Variants in FANCC observed in about 807,000 individuals in gnomAD.
FANCC encodes the protein Fanconi anemia group C protein.
In FANCC, 55 loss-of-function variants were observed where a neutral mutation model predicts 71.3. The observed-to-expected ratio is 0.77, with a 90% CI of 0.62 to 0.97. The LOEUF is 0.97. Among genes scored for constraint, FANCC ranks in the 50% least tolerant of loss-of-function variants. The probability of loss-of-function intolerance (pLI) is 0.00; values close to 1 mark genes in which losing one functional copy is unlikely to be tolerated. For synonymous variants in FANCC, 275 were observed against 244.9 expected (o/e 1.12, Z -1.15); for missense variants, 678 against 670.9 (o/e 1.01, Z -0.12).
intron 1 of FANCC, among the ~76,000 whole-genome samples, chr9:95,309,411 G>A (rs1479929593): frequency 6.6e-6 from 1 of 152,186 alleles, no homozygotes; most frequent in Non-Finnish European, 1.5e-5. Context: ...GATATTATTT[G>A]TATAAATGTA....
chr9:95,110,897 G>C, intron 13 of FANCC: 1 of 1,277,054 alleles, frequency 7.8e-7, no homozygotes, highest in Non-Finnish European at 9.9e-7. Context: ...CCCATACTTA[G>C]CTGCTCTGTT....
At chr9:95,268,588 AG>A (rs1207583176) in intron 1 of FANCC, among the ~76,000 whole-genome samples, 2 of 152,268 alleles carry the variant, frequency 1.3e-5, no homozygotes, top group Non-Finnish European at 2.9e-5. Context: ...TTATGTGGAA[AG>A]GAACTTTGAT....
chr9:95,107,820 T>A (rs2071577548), intron 13 of FANCC, among the ~76,000 whole-genome samples: 1 of 152,178 alleles, frequency 6.6e-6, no homozygotes, highest in Admixed American at 6.5e-5. Context: ...TTGTTTTAGA[T>A]GCCGGAACAA....
intron 1 of FANCC, among the ~76,000 whole-genome samples, chr9:95,290,509 A>G (rs1179986077): frequency 6.6e-6 from 1 of 152,224 alleles, no homozygotes; most frequent in Non-Finnish European, 1.5e-5. Flanking sequence ...AGGGAACACC[A>G]TTAAGAAAGT....
At chr9:95,226,556 G>A (rs933526576) in intron 4 of FANCC, among the ~76,000 whole-genome samples, 1 of 152,182 alleles carries the variant, frequency 6.6e-6, no homozygotes, top group African/African-American at 2.4e-5. Context: ...GCTGTCTCCT[G>A]CTCCTCCCTT....
chr9:95,153,295 G>C (rs1179834877), intron 6 of FANCC, among the ~76,000 whole-genome samples: 2 of 152,034 alleles, frequency 1.3e-5, no homozygotes, highest in African/African-American at 4.8e-5. Context: ...TGTTAACTGT[G>C]ATGCTATAAA....
chr9:95,307,756 A>G (rs1363532833), intron 1 of FANCC, among the ~76,000 whole-genome samples: 1 of 152,252 alleles, frequency 6.6e-6, no homozygotes, highest in African/African-American at 2.4e-5. Flanking sequence ...ACTGCAAAGA[A>G]GACAGCCAGG....
intron 1 of FANCC, among the ~76,000 whole-genome samples, chr9:95,277,487 C>T (rs1588404573): frequency 6.6e-6 from 1 of 152,206 alleles, no homozygotes; most frequent in South Asian, 2.1e-4. Context: ...TAAATATGCA[C>T]ATTACGTGCC....
chr9:95,259,513 C>T (rs191036860), intron 1 of FANCC, among the ~76,000 whole-genome samples: 1 of 152,308 alleles, frequency 6.6e-6, no homozygotes, highest in East Asian at 1.9e-4. Context: ...ATTAGGACCC[C>T]TTCCTTACAC....
At chr9:95,282,701 T>C (rs1263308679) in intron 1 of FANCC, among the ~76,000 whole-genome samples, 2 of 152,328 alleles carry the variant, frequency 1.3e-5, no homozygotes, top group East Asian at 3.9e-4. Flanking sequence ...ATAAGTCTTT[T>C]AAATTTAAGA....
chr9:95,133,606 T>C (rs956368919), intron 8 of FANCC, among the ~76,000 whole-genome samples: 1 of 151,996 alleles, frequency 6.6e-6, no homozygotes, highest in African/African-American at 2.4e-5. Flanking sequence ...AAAAAGGACA[T>C]GGAGAAGGTT....
At chr9:95,193,088 T>A (rs989763122) in intron 4 of FANCC, among the ~76,000 whole-genome samples, 16 of 152,174 alleles carry the variant, frequency 1.1e-4, no homozygotes, top group Admixed American at 6.6e-5. Context: ...GGGGTTTACA[T>A]TCCAGTGAGG....
At chr9:95,117,702 T>G (rs1409244073) in intron 10 of FANCC, among the ~76,000 whole-genome samples, 1 of 151,464 alleles carries the variant, frequency 6.6e-6, no homozygotes, top group African/African-American at 2.4e-5. Context: ...AAAGCCGTTG[T>G]GAGATGTTAG....
chr9:95,101,999 G>A, intron 14 of FANCC, 149 bp from the exon 15 acceptor site: 1 of 905,002 alleles, frequency 1.1e-6, no homozygotes, highest in Non-Finnish European at 1.7e-6. Flanking sequence ...AGGGGCTCTA[G>A]TTTGCAAGGT....
At chr9:95,160,357 T>C (rs939258763) in intron 6 of FANCC, among the ~76,000 whole-genome samples, 10 of 152,094 alleles carry the variant, frequency 6.6e-5, no homozygotes, top group African/African-American at 2.4e-4. Flanking sequence ...GTGTTATTTC[T>C]GAGGCCTCTG....
chr9:95,157,629 G>A (rs901609798), intron 6 of FANCC, among the ~76,000 whole-genome samples: 1 of 152,194 alleles, frequency 6.6e-6, no homozygotes, highest in African/African-American at 2.4e-5. Flanking sequence ...CTGGCAACCA[G>A]TCAAGACCTA....
chr9:95,110,459 T>TAA (rs1174065072), intron 13 of FANCC: 1 of 1,028,888 alleles, frequency 9.7e-7, no homozygotes, highest in Admixed American at 5.7e-5. Flanking sequence ...GGGGAAGAAA[T>TAA]AAAAAGCTTT....
intron 1 of FANCC, among the ~76,000 whole-genome samples, chr9:95,260,679 T>TAAA (rs1254519022): frequency 1.3e-5 from 1 of 77,244 alleles, no homozygotes. Flanking sequence ...TCTCAGAACT[T>TAAA]AAAATATAAA....
At chr9:95,311,715 G>GTC (rs1218446685) in intron 1 of FANCC, among the ~76,000 whole-genome samples, 1 of 150,816 alleles carries the variant, frequency 6.6e-6, no homozygotes, top group African/African-American at 2.4e-5. Context: ...GAATCTGTGT[G>GTC]TGTGTGTGTG....
Sources: gnomAD v4.1 joint callset for allele counts (sites outside exome capture counted in the v4.1 genomes callset) on GRCh38, gnomAD v4.1.1 for gene constraint, MANE v1.5 for transcripts, NCBI Gene and HGNC (gene_info 2026-07-23, HGNC 2026-07-21) for gene names.